Variants in L3MBTL3 observed in about 807,000 individuals in gnomAD.
The protein encoded by L3MBTL3 is lethal(3)malignant brain tumor-like protein 3.
Under a neutral mutation model 102.3 loss-of-function variants are expected in L3MBTL3, and 27 were observed. The ratio of observed to expected loss-of-function variants is 0.26; its 90% CI spans 0.19 to 0.36. L3MBTL3 has a LOEUF of 0.36. Ranked by LOEUF, L3MBTL3 falls within the 10% of genes least tolerant of loss-of-function variation. The probability of loss-of-function intolerance (pLI) is 1.00; values close to 1 mark genes in which losing one functional copy is unlikely to be tolerated. For missense variants in L3MBTL3, 798 were observed against 955.3 expected (o/e 0.84, Z 2.17); for synonymous variants, 340 against 320.9 (o/e 1.06, Z -0.64).
At chr6:130,120,413 A>G (rs1786067131) in intron 19 of L3MBTL3, among the ~76,000 whole-genome samples, 1 of 152,200 alleles carries the variant, frequency 6.6e-6, no homozygotes, top group African/African-American at 2.4e-5. Flanking sequence ...TTAAGCCAGG[A>G]AAAGCTTCCT....
intron 20 of L3MBTL3, among the ~76,000 whole-genome samples, chr6:130,132,038 C>T (rs141728589): frequency 6.6e-5 from 10 of 152,284 alleles, no homozygotes; most frequent in East Asian, 1.9e-4. Context: ...CTGGTTCAAA[C>T]GCCTCTGACA....
intron 19 of L3MBTL3, among the ~76,000 whole-genome samples, chr6:130,107,675 T>C (rs1785072941): frequency 6.6e-6 from 1 of 152,228 alleles, no homozygotes; most frequent in Non-Finnish European, 1.5e-5. Context: ...TCAAATGTTA[T>C]CTTCCTGAGC....
At chr6:130,023,727 C>T (rs1373443001) in intron 2 of L3MBTL3, among the ~76,000 whole-genome samples, 1 of 152,112 alleles carries the variant, frequency 6.6e-6, no homozygotes, top group Non-Finnish European at 1.5e-5. Flanking sequence ...GTGGTCATAT[C>T]ATTTTACCTT....
chr6:130,070,756 A>T, intron 12 of L3MBTL3: 1 of 299,172 alleles, frequency 3.3e-6, no homozygotes, highest in East Asian at 4.4e-5. Context: ...TGAGGCCCAG[A>T]TAGCTAATTG....
At chr6:130,082,773 T>A (rs1783444842) in intron 14 of L3MBTL3, among the ~76,000 whole-genome samples, 1 of 152,340 alleles carries the variant, frequency 6.6e-6, no homozygotes, top group South Asian at 2.1e-4. Context: ...TTTAAGCTGA[T>A]ATAGCTAGGA....
At chr6:130,079,324 C>A (rs1429425991) in intron 14 of L3MBTL3, among the ~76,000 whole-genome samples, 1 of 152,178 alleles carries the variant, frequency 6.6e-6, no homozygotes, top group African/African-American at 2.4e-5. Context: ...AGTTTTCAGG[C>A]GCTTCTGCTC....
rs770537260 is a variant in L3MBTL3, at chr6:130,057,508, T to A, written c.759+11T>A. On this transcript the variant is annotated intron_variant, in intron 9 of 22. Coordinates refer to ENST00000361794, the MANE Select transcript of L3MBTL3 (RefSeq NM_032438.4). ...AAGCTGTTCAAGGAGGTACGGGCCC[T>A]TCTAGAGACGTGATCTGTAAGGGCG... 5.6e-6 allele frequency: 9 copies of A among 1,595,746 alleles called. No homozygotes were observed. The East Asian group carries it at 1.8e-4, about 32-fold the overall frequency.
intron 13 of L3MBTL3, among the ~76,000 whole-genome samples, chr6:130,074,762 G>A (rs111359529): frequency 1.3e-5 from 2 of 152,140 alleles, no homozygotes; most frequent in African/African-American, 4.8e-5. Flanking sequence ...AATGAATGAG[G>A]TTGCAGCTTC....
rs140874496 is a variant in L3MBTL3, at chr6:130,058,188, G to A, written c.759+691G>A. Among the ~76,000 whole-genome samples, 327 of 146,498 alleles carry A rather than the reference G, an allele frequency of 2.2e-3. 6 individuals are homozygous for A. The highest frequency in any genetic ancestry group is 0.019 in the Admixed American group (278 of 14,800). On this transcript the variant is annotated intron_variant, in intron 9 of 22. Coordinates refer to ENST00000361794, the MANE Select transcript of L3MBTL3 (RefSeq NM_032438.4). The stretch of plus-strand genomic sequence containing the variant: ...AAAAAAAAAAAAAATGAGTTACTAC[G>A]ATTTACATATTATCACAGCAAAACA...
chr6:130,034,652 T>G (rs1210858989), intron 2 of L3MBTL3, among the ~76,000 whole-genome samples: 1 of 152,254 alleles, frequency 6.6e-6, no homozygotes, highest in Non-Finnish European at 1.5e-5. Context: ...TAATTTTGTT[T>G]CATTTCTTAA....
intron 19 of L3MBTL3, among the ~76,000 whole-genome samples, chr6:130,111,555 T>C (rs1785347567): frequency 6.6e-6 from 1 of 152,206 alleles, no homozygotes; most frequent in Admixed American, 6.5e-5. Flanking sequence ...GAATGAGTGA[T>C]GTGCTGACGT....
At chr6:130,103,007 A>G (rs957787257) in intron 18 of L3MBTL3, among the ~76,000 whole-genome samples, 1 of 152,238 alleles carries the variant, frequency 6.6e-6, no homozygotes, top group South Asian at 2.1e-4. Context: ...GGTAATTAGC[A>G]CATAATAAAT....
chr6:130,139,543 C>G, intron 22 of L3MBTL3, 67 bp from the exon 23 acceptor site: 3 of 1,455,414 alleles, frequency 2.1e-6, no homozygotes, highest in Non-Finnish European at 1.9e-6. Flanking sequence ...GTAATTTAAC[C>G]TTGAATATTT....
At chr6:130,121,184 C>T (rs2114258010) in intron 20 of L3MBTL3, among the ~76,000 whole-genome samples, 1 of 152,240 alleles carries the variant, frequency 6.6e-6, no homozygotes. Context: ...CGAATTAAGC[C>T]CAGTACCTGA....
At chr6:130,023,102 G>A (rs917999016) in intron 2 of L3MBTL3, among the ~76,000 whole-genome samples, 2 of 151,006 alleles carry the variant, frequency 1.3e-5, no homozygotes, top group Non-Finnish European at 3.0e-5. Flanking sequence ...TTTTCTGCCT[G>A]TTTTCCTGCC....
intron 3 of L3MBTL3, among the ~76,000 whole-genome samples, chr6:130,046,301 G>A (rs569699330): frequency 1.3e-5 from 2 of 152,062 alleles, no homozygotes; most frequent in African/African-American, 4.8e-5. Context: ...CTTAATACAC[G>A]GTTTTTGCCT....
rs530068374 is a variant in L3MBTL3, at chr6:130,057,325, C to T, written c.668-81C>T. 23 of 1,039,066 alleles carry T rather than the reference C, an allele frequency of 2.2e-5. No individual in the cohort carries two copies. The African/African-American group carries it at 3.6e-4, about 16-fold the overall frequency. The allele number at this position is 1,039,066 out of a possible 1,614,324, so 64.4% of individuals were successfully genotyped here. A position where few individuals can be genotyped will look rare whatever the true frequency, so the allele number is the denominator to read the frequency against. On this transcript the variant is annotated intron_variant, in intron 8 of 22. Coordinates refer to ENST00000361794, the MANE Select transcript of L3MBTL3 (RefSeq NM_032438.4). ...GAGAAGAGCCAGGCAGCGTATCAGT[C>T]AGGGACGTGTGAGTTCACAGATGCA...
intron 1 of L3MBTL3, among the ~76,000 whole-genome samples, chr6:130,020,305 C>A (rs986397508): frequency 2.7e-5 from 4 of 150,938 alleles, no homozygotes; most frequent in African/African-American, 9.7e-5. Flanking sequence ...CCGCCGCGCG[C>A]CCCGCGAGCT....
chr6:130,068,477 A>G lies in L3MBTL3; in HGVS notation c.1092+56A>G, dbSNP rs186115993. 1.2e-3 allele frequency: 1,050 copies of G among 873,434 alleles called. 2 individuals are homozygous for G. The highest frequency in any genetic ancestry group is 2.4e-3 in the Admixed American group (132 of 55,354). 54.1% of individuals were successfully genotyped at this position (873,434 alleles called of 1,614,324 possible). ...AAGGAAGAAGTTTTTTGAGTGTCTC[A>G]TAGGATCAATTACAAGTGATAACAA... On this transcript the variant is annotated intron_variant, in intron 12 of 22. Coordinates refer to ENST00000361794, the MANE Select transcript of L3MBTL3 (RefSeq NM_032438.4).
Sources: gnomAD v4.1 joint callset for allele counts (sites outside exome capture counted in the v4.1 genomes callset) on GRCh38, gnomAD v4.1.1 for gene constraint, MANE v1.5 for transcripts, NCBI Gene and HGNC (gene_info 2026-07-23, HGNC 2026-07-21) for gene names.